Variants in TADA3 observed in about 807,000 individuals in gnomAD.
TADA3 encodes transcriptional adapter 3.
In TADA3, 25 loss-of-function variants were observed where a neutral mutation model predicts 43.2. The observed-to-expected ratio is 0.58, with a 90% CI of 0.42 to 0.81. The LOEUF is 0.81. Among genes scored for constraint, TADA3 ranks in the 30% least tolerant of loss-of-function variants. The pLI, the probability that TADA3 is intolerant of heterozygous loss-of-function variation, is 0.00. For synonymous variants in TADA3, 235 were observed against 225.5 expected (o/e 1.04, Z -0.38); for missense variants, 441 against 567.8 (o/e 0.78, Z 2.27).
upstream of TADA3, chr3:9,793,002 C>T: frequency 1.3e-6 from 2 of 1,510,016 alleles, no homozygotes; most frequent in Non-Finnish European, 1.8e-6. Context: ...CCGCTCGGAG[C>T]ATAGATGGTA....
chr3:9,791,388 T>C lies in TADA3; in HGVS notation c.79A>G (p.Thr27Ala), dbSNP rs1335875694. The change falls in exon 2 of 9, where the codon ACG becomes GCG. Residue 27 changes from threonine to alanine, a missense_variant. Transcript: ENST00000301964. ...TCCTCAGAGCGTGCCAGCACTGCCG[T>C]GTAGCGGGGACAGACCTTCAGGTGA... ...VDHLKVCPRY[T>A]AVLARSEDDG... is the part of the protein sequence containing the mutation. 2.5e-6 allele frequency: 4 copies of C among 1,614,212 alleles called. 1 individual carries two copies. In the South Asian group the frequency reaches 3.3e-5, roughly 13 times the overall value.
At chr3:9,783,516 G>C (rs989601409) in intron 8 of TADA3, 1 of 152,288 alleles carries the variant, frequency 6.6e-6, no homozygotes, top group Non-Finnish European at 1.5e-5. Context: ...AGTGGCTCAC[G>C]CCTGTAATCC....
intron 4 of TADA3, chr3:9,788,081 T>C: frequency 4.3e-6 from 1 of 233,534 alleles, no homozygotes; most frequent in Non-Finnish European, 8.7e-6. Flanking sequence ...CTTGATCCTG[T>C]AGATAACGGG....
upstream of TADA3, chr3:9,792,904 T>C: frequency 7.2e-7 from 1 of 1,397,042 alleles, no homozygotes; most frequent in African/African-American, 1.5e-5. Flanking sequence ...GCTTAAATAG[T>C]GACTCGAGTG....
At chr3:9,781,152 A>C (rs988134137) in intron 8 of TADA3, among the ~76,000 whole-genome samples, 1 of 152,042 alleles carries the variant, frequency 6.6e-6, no homozygotes, top group Non-Finnish European at 1.5e-5. Context: ...GGTCTTAAAA[A>C]TATACACAGT....
chr3:9,787,562 A>T (rs908826290), intron 4 of TADA3: 12 of 979,686 alleles, frequency 1.2e-5, no homozygotes, highest in Non-Finnish European at 1.8e-5. Flanking sequence ...CACAGAAGCC[A>T]ATCTGAAATA....
chr3:9,780,629 C>A, intron 8 of TADA3, 80 bp from the exon 9 acceptor site: 1 of 1,434,766 alleles, frequency 7.0e-7, no homozygotes, highest in Non-Finnish European at 9.3e-7. Flanking sequence ...CCGAGCCTAC[C>A]CACCAGCCCA....
Position 9,791,341 on chromosome 3 carries a change from C to T in TADA3, c.126G>A (p.Glu42=). The change falls in exon 2 of 9, where the codon GAG becomes GAA. Residue 42 remains glutamate (E), a synonymous_variant. Coordinates refer to ENST00000301964, the MANE Select transcript of TADA3 (RefSeq NM_006354.5). ...CCAGCTCCAGCTGCAGGGTGTCCAGCTCCTCGATGCCGATGCCATCATCCT... is the reference window on the plus strand; with the variant it reads ...CCAGCTCCAGCTGCAGGGTGTCCAGTTCCTCGATGCCGATGCCATCATCCT... The part of the protein sequence containing the change: ...RSEDDGIGIE[E]LDTLQLELET... 3.1e-6 allele frequency: 5 copies of T among 1,614,234 alleles called. No individual in the cohort carries two copies. Among genetic ancestry groups the T allele is most frequent in the Non-Finnish European group, 4.2e-6 (5 of 1,180,052 alleles).
intron 4 of TADA3, among the ~76,000 whole-genome samples, chr3:9,789,241 A>G (rs1575308019): frequency 1.3e-5 from 2 of 152,206 alleles, no homozygotes; most frequent in South Asian, 4.1e-4. Context: ...CTTGGACCAA[A>G]GCAGAGGGGA....
At chr3:9,792,483 CG>C, upstream of TADA3, 1 of 1,203,222 alleles carries the variant, frequency 8.3e-7, no homozygotes, top group Non-Finnish European at 1.0e-6. Context: ...TGGCTATGGG[CG>C]GGCCCCTTGC....
At chr3:9,787,690 G>A in intron 4 of TADA3, 1 of 1,332,724 alleles carries the variant, frequency 7.5e-7, no homozygotes, top group South Asian at 1.2e-5. Context: ...CTTTTGTATT[G>A]CTTGAATTTA....
At position 9,789,968 on chromosome 3, in the gene TADA3, A is replaced by C. The variant is rs1326667287; in HGVS notation, c.208-5T>G. ...ATCCTGCCAGTCGGTGAGGATCTGA[A>C]ATTTACAGAAAGTGTCACTGAGGGG... On this transcript the variant is annotated splice_region_variant and splice_polypyrimidine_tract_variant and intron_variant, in intron 2 of 8. Transcript: ENST00000301964. The C allele has an allele frequency of 1.9e-6, 3 of 1,581,572 alleles. No individual in the cohort carries two copies. Among genetic ancestry groups the C allele is most frequent in the Non-Finnish European group, 1.7e-6 (2 of 1,165,214 alleles).
At chr3:9,787,749 T>C in intron 4 of TADA3, 2 of 1,271,428 alleles carry the variant, frequency 1.6e-6, no homozygotes, top group East Asian at 5.5e-5. Flanking sequence ...AGAAATCAGA[T>C]AAGTGAAGTG....
At chr3:9,786,968 A>G in intron 6 of TADA3, 38 bp downstream of exon 6, 1 of 1,555,292 alleles carries the variant, frequency 6.4e-7, no homozygotes, top group Non-Finnish European at 8.8e-7. Flanking sequence ...TTAAAACACA[A>G]AGTAAATATG....
At chr3:9,786,585 T>TCTA (rs1302063130) in intron 6 of TADA3, among the ~76,000 whole-genome samples, 1 of 152,176 alleles carries the variant, frequency 6.6e-6, no homozygotes, top group African/African-American at 2.4e-5. Context: ...AATCTTCTTA[T>TCTA]CTGTAACACA....
At position 9,791,483 on chromosome 3, in the gene TADA3, A is replaced by G. The variant is rs1392698031; in HGVS notation, c.-17T>C. The G allele has an allele frequency of 1.3e-6, 2 of 1,590,584 alleles. No individual in the cohort carries two copies. The highest frequency in any genetic ancestry group is 1.7e-6 in the Non-Finnish European group (2 of 1,163,838). ...CTCACTCATGGCCCAGGATATGGGG[A>G]TCCTGTGGAGCTGGAGAGGACAGGG... On this transcript the variant is annotated 5_prime_UTR_variant, in exon 2 of 9. Transcript: ENST00000301964.
upstream of TADA3, chr3:9,792,842 G>A: frequency 1.5e-6 from 2 of 1,364,448 alleles, no homozygotes; most frequent in Non-Finnish European, 1.9e-6. Context: ...CTGTGGCAAA[G>A]GTGACAAGAA....
At chr3:9,787,162 T>C (rs1301937638) in intron 5 of TADA3, 37 bp downstream of exon 5, 1 of 1,614,162 alleles carries the variant, frequency 6.2e-7, no homozygotes, top group Non-Finnish European at 8.5e-7. Context: ...GGAATTCAAG[T>C]CCTGACCTGG....
At position 9,792,359 on chromosome 3, in the gene TADA3, G is replaced by A. The variant is rs755462366; in HGVS notation, c.-171C>T. The A allele has an allele frequency of 2.4e-6, 1 of 409,150 alleles. No homozygotes were observed. The highest frequency in any genetic ancestry group is 3.4e-6 in the Non-Finnish European group (1 of 296,854). The allele number at this position is 409,150 out of a possible 1,614,324, so 25.3% of individuals were successfully genotyped here. On this transcript the variant is annotated 5_prime_UTR_variant, in exon 1 of 9. Transcript: ENST00000301964. Reference sequence around the variant, plus strand: ...GCCTTCAGAGTCCTCGTTCTCTAGGGACACCCTAGTGCGACCCCCGCCCCC... The same window carrying A: ...GCCTTCAGAGTCCTCGTTCTCTAGGAACACCCTAGTGCGACCCCCGCCCCC...
Sources: gnomAD v4.1 joint callset for allele counts (sites outside exome capture counted in the v4.1 genomes callset) on GRCh38, gnomAD v4.1.1 for gene constraint, MANE v1.5 for transcripts, NCBI Gene and HGNC (gene_info 2026-07-23, HGNC 2026-07-21) for gene names.